The following NAALADL2 variants were observed in gnomAD, a reference collection of about 807,000 sequenced individuals.
NAALADL2 encodes the protein inactive N-acetylated-alpha-linked acidic dipeptidase-like protein 2.
In NAALADL2, 76 loss-of-function variants were observed where a neutral mutation model predicts 87.2. The observed-to-expected ratio is 0.87, with a 90% CI of 0.72 to 1.05. The LOEUF (loss-of-function observed/expected upper bound fraction) is 1.05, where lower values mean the gene tolerates loss of function less well. NAALADL2 is among the 50% of genes least tolerant of loss of function. NAALADL2 has a pLI of 0.00. For synonymous variants in NAALADL2, 354 were observed against 331.0 expected, an observed-to-expected ratio of 1.07 and a Z score of -0.75; for missense variants, 1,089 against 945.8, an observed-to-expected ratio of 1.15 and a Z score of -1.99.
intron 1 of NAALADL2, among the ~76,000 whole-genome samples, chr3:174,949,353 TC>T (rs1189444172): frequency 1.1e-4 from 17 of 152,126 alleles, no homozygotes; most frequent in Admixed American, 9.8e-4. Flanking sequence ...TCACATAATA[TC>T]ACTTCTGCCA....
intron 2 of NAALADL2, among the ~76,000 whole-genome samples, chr3:174,707,519 C>G (rs890601949): frequency 2.6e-5 from 4 of 151,774 alleles, no homozygotes; most frequent in Non-Finnish European, 5.9e-5. Context: ...AGCTGGAAAC[C>G]ATCATTCTCA....
At chr3:175,052,547 C>A (rs973999041) in intron 1 of NAALADL2, among the ~76,000 whole-genome samples, 2 of 152,172 alleles carry the variant, frequency 1.3e-5, no homozygotes, top group African/African-American at 4.8e-5. Context: ...ATTGAAATCC[C>A]AGAGCTTCCA....
At chr3:175,055,340 CTG>C (rs1711906939) in intron 1 of NAALADL2, among the ~76,000 whole-genome samples, 3 of 152,204 alleles carry the variant, frequency 2.0e-5, no homozygotes. Flanking sequence ...TCAATGAATC[CTG>C]TGTGTATTTG....
At chr3:174,581,491 CTTA>C (rs1716162969) in intron 2 of NAALADL2, among the ~76,000 whole-genome samples, 1 of 151,902 alleles carries the variant, frequency 6.6e-6, no homozygotes, top group Non-Finnish European at 1.5e-5. Context: ...GTGCAAGCAA[CTTA>C]TTATCACTGG....
intron 2 of NAALADL2, among the ~76,000 whole-genome samples, chr3:175,131,604 C>T (rs1031437464): frequency 2.0e-5 from 3 of 152,358 alleles, no homozygotes; most frequent in East Asian, 3.9e-4. Context: ...TCCCCGCTTT[C>T]TATTCCACAA....
At chr3:175,090,454 G>A (rs1268201452) in intron 1 of NAALADL2, among the ~76,000 whole-genome samples, 3 of 151,932 alleles carry the variant, frequency 2.0e-5, no homozygotes, top group African/African-American at 7.3e-5. Flanking sequence ...TACACAAATT[G>A]CAGTTGCACA....
At chr3:174,481,449 A>G (rs1176679699) in intron 1 of NAALADL2, among the ~76,000 whole-genome samples, 1 of 152,038 alleles carries the variant, frequency 6.6e-6, no homozygotes, top group Non-Finnish European at 1.5e-5. Context: ...GAGTGTTTAC[A>G]TAAGAAATGC....
chr3:175,661,470 G>C (rs573936682), intron 11 of NAALADL2, among the ~76,000 whole-genome samples: 1 of 151,358 alleles, frequency 6.6e-6, no homozygotes, highest in South Asian at 2.1e-4. Flanking sequence ...ACTTCACTTT[G>C]TTAATTGGTT....
At chr3:175,463,724 G>GAGAGAC (rs1553901945) in intron 7 of NAALADL2, among the ~76,000 whole-genome samples, 4,337 of 148,238 alleles carry the variant, frequency 0.029, 205 homozygotes, top group East Asian at 0.14. Context: ...GAGAGAGAGA[G>GAGAGAC]AGAGAGAGAG....
rs537361566 is a variant in NAALADL2, at chr3:175,373,529, T to G, written c.1090+49204T>G. Among the ~76,000 whole-genome samples the G allele has an allele frequency of 1.2e-4, 18 of 152,346 alleles. 1 individual carries two copies. Among genetic ancestry groups the G allele is most frequent in the African/African-American group, 3.4e-4 (14 of 41,590 alleles). ...GTGATTATTGCTGAGTATATTCTAT[T>G]TTATGCTCATATCAGTTTGCTAATC... On this transcript the variant is annotated intron_variant, in intron 5 of 13. Coordinates refer to ENST00000454872, the MANE Select transcript of NAALADL2 (RefSeq NM_207015.3).
intron 13 of NAALADL2, 28 bp downstream of exon 13, chr3:175,755,446 T>C (rs1180102270): frequency 1.3e-6 from 2 of 1,503,070 alleles, no homozygotes; most frequent in Admixed American, 4.1e-5. Flanking sequence ...AAAATTATAC[T>C]TTTTGCCCTA....
chr3:175,219,794 C>A (rs911525767), intron 2 of NAALADL2, among the ~76,000 whole-genome samples: 1 of 151,104 alleles, frequency 6.6e-6, no homozygotes, highest in East Asian at 1.9e-4. Flanking sequence ...TTTTCCAGCT[C>A]ATGAACATGA....
At chr3:175,539,451 A>G (rs1469164285) in intron 9 of NAALADL2, among the ~76,000 whole-genome samples, 10 of 152,196 alleles carry the variant, frequency 6.6e-5, no homozygotes, top group Non-Finnish European at 1.5e-4. Context: ...AACATTGTGT[A>G]AACAAATATA....
chr3:174,514,788 A>C (rs1560024212), intron 1 of NAALADL2, among the ~76,000 whole-genome samples: 1 of 152,132 alleles, frequency 6.6e-6, no homozygotes, highest in Admixed American at 6.5e-5. Flanking sequence ...ACAATTTAGA[A>C]AATAACAGTA....
intron 1 of NAALADL2, among the ~76,000 whole-genome samples, chr3:174,494,767 T>C (rs1014119769): frequency 6.6e-6 from 1 of 152,146 alleles, no homozygotes; most frequent in African/African-American, 2.4e-5. Flanking sequence ...CATTGGATGT[T>C]TTAGGCAATG....
At chr3:174,920,975 G>T (rs936080769) in intron 1 of NAALADL2, among the ~76,000 whole-genome samples, 1 of 152,114 alleles carries the variant, frequency 6.6e-6, no homozygotes, top group African/African-American at 2.4e-5. Flanking sequence ...TATTAAGTTT[G>T]CCATCTCACA....
chr3:175,196,635 A>G (rs1327414248), intron 2 of NAALADL2, among the ~76,000 whole-genome samples: 2 of 151,978 alleles, frequency 1.3e-5, no homozygotes, highest in Non-Finnish European at 2.9e-5. Flanking sequence ...TTCTATAGAT[A>G]TGCCTTTCTT....
chr3:175,780,363 A>C (rs1576802131), intron 13 of NAALADL2, among the ~76,000 whole-genome samples: 1 of 152,016 alleles, frequency 6.6e-6, no homozygotes, highest in African/African-American at 2.4e-5. Context: ...CATGCACACA[A>C]ACACACACAA....
At chr3:175,722,030 A>G (rs1742308599) in intron 11 of NAALADL2, among the ~76,000 whole-genome samples, 1 of 152,076 alleles carries the variant, frequency 6.6e-6, no homozygotes, top group Non-Finnish European at 1.5e-5. Flanking sequence ...ACATACCCAC[A>G]CACCATCAAT....
Sources: allele counts gnomAD v4.1 joint callset (sites outside exome capture counted in the v4.1 genomes callset), GRCh38; gene constraint gnomAD v4.1.1; transcripts MANE v1.5; gene names NCBI Gene and HGNC (gene_info 2026-07-23, HGNC 2026-07-21).